The following FHOD3 variants were observed in gnomAD, a reference collection of about 807,000 sequenced individuals.
FHOD3 encodes FH1/FH2 domain-containing protein 3.
Under a neutral mutation model 173.0 loss-of-function variants are expected in FHOD3, and 90 were observed. The observed-to-expected ratio is 0.52, with a 90% CI of 0.44 to 0.62. The LOEUF is 0.62. Ranked by LOEUF, FHOD3 falls within the 20% of genes least tolerant of loss-of-function variation. The probability of loss-of-function intolerance (pLI) is 0.00; values close to 1 mark genes in which losing one functional copy is unlikely to be tolerated. For synonymous variants in FHOD3, 828 were observed against 823.0 expected (o/e 1.01, Z -0.10); for missense variants, 1,945 against 2,034.7 (o/e 0.96, Z 0.85).
intron 24 of FHOD3, among the ~76,000 whole-genome samples, chr18:36,753,273 C>A (rs77035841): frequency 0.022 from 3,413 of 152,280 alleles, 106 homozygotes; most frequent in African/African-American, 0.077. Flanking sequence ...AGGGCTCCTG[C>A]ACACTACACA....
At chr18:36,572,468 TG>T (rs2058487483) in intron 5 of FHOD3, among the ~76,000 whole-genome samples, 1 of 152,150 alleles carries the variant, frequency 6.6e-6, no homozygotes, top group African/African-American at 2.4e-5. Context: ...CAGGCCGGAT[TG>T]CTTTAGTAGT....
chr18:36,379,124 T>C (rs1464738747), intron 3 of FHOD3, among the ~76,000 whole-genome samples: 1 of 152,222 alleles, frequency 6.6e-6, no homozygotes, highest in Admixed American at 6.5e-5. Flanking sequence ...AAAGAGTGGC[T>C]TTACCATCTA....
At chr18:36,503,230 A>G (rs1488194294) in intron 4 of FHOD3, among the ~76,000 whole-genome samples, 1 of 152,222 alleles carries the variant, frequency 6.6e-6, no homozygotes, top group Non-Finnish European at 1.5e-5. Context: ...ATGGTTTCAT[A>G]GAGAAGATGG....
rs571568660 is a variant in FHOD3, at chr18:36,762,981, C to T, written c.4624+2199C>T. ...ATACGTTATATATGCGTATTATATA[C>T]GTTATATATGCGTATTATATACGTT... On this transcript the variant is annotated intron_variant, in intron 27 of 28. Coordinates refer to ENST00000590592, the MANE Select transcript of FHOD3 (RefSeq NM_001281740.3). 2.6e-4 allele frequency among the ~76,000 whole-genome samples: 38 copies of T among 146,118 alleles called. No homozygotes were observed. In the East Asian group the frequency reaches 3.2e-3, roughly 12 times the overall value.
At chr18:36,490,234 C>T (rs2054398505) in intron 3 of FHOD3, among the ~76,000 whole-genome samples, 1 of 152,156 alleles carries the variant, frequency 6.6e-6, no homozygotes, top group Non-Finnish European at 1.5e-5. Context: ...ATTAAGTGGC[C>T]TTCATCAGCT....
intron 1 of FHOD3, among the ~76,000 whole-genome samples, chr18:36,337,033 C>T (rs1398597916): frequency 2.0e-5 from 3 of 150,020 alleles, no homozygotes; most frequent in Non-Finnish European, 3.0e-5. Flanking sequence ...ATCAGATGGG[C>T]GTGGTGGTAC....
At chr18:36,760,925 A>G in intron 27 of FHOD3, 143 bp downstream of exon 27, 1 of 802,352 alleles carries the variant, frequency 1.2e-6, no homozygotes, top group Non-Finnish European at 1.9e-6. Context: ...TTCCCTCACT[A>G]GCGTCTTCCT....
At chr18:36,620,186 T>A (rs191566744) in intron 9 of FHOD3, among the ~76,000 whole-genome samples, 280 of 152,358 alleles carry the variant, frequency 1.8e-3, no homozygotes, top group African/African-American at 6.6e-3. Flanking sequence ...TTCGTGCCTC[T>A]GTGGCCTCAT....
chr18:36,327,164 T>C (rs140684862), intron 1 of FHOD3, among the ~76,000 whole-genome samples: 39 of 152,344 alleles, frequency 2.6e-4, no homozygotes, highest in African/African-American at 8.9e-4. Context: ...AGAGTGATCT[T>C]TCCCCCTCAA....
chr18:36,772,365 A>G (rs974260389), intron 28 of FHOD3, among the ~76,000 whole-genome samples: 43 of 152,372 alleles, frequency 2.8e-4, no homozygotes, highest in African/African-American at 8.7e-4. Context: ...TGCAAAATCA[A>G]TGTGAAGTTT....
chr18:36,736,789 G>A (rs2041656412), intron 20 of FHOD3, among the ~76,000 whole-genome samples: 1 of 152,196 alleles, frequency 6.6e-6, no homozygotes, highest in East Asian at 1.9e-4. Context: ...GGGAAAATAG[G>A]GATGTAAAGT....
intron 22 of FHOD3, 115 bp from the exon 23 acceptor site, chr18:36,743,917 A>G: frequency 1.7e-6 from 2 of 1,171,776 alleles, no homozygotes; most frequent in Non-Finnish European, 2.5e-6. Flanking sequence ...CAGGAGCTTC[A>G]GCCACAGAGA....
At chr18:36,578,842 C>G (rs1229168572) in intron 6 of FHOD3, among the ~76,000 whole-genome samples, 6 of 152,154 alleles carry the variant, frequency 3.9e-5, no homozygotes, top group Admixed American at 6.5e-5. Context: ...GGGTGACCCT[C>G]ACATCTTGCC....
intron 28 of FHOD3, among the ~76,000 whole-genome samples, chr18:36,776,155 C>G (rs954793841): frequency 6.6e-6 from 1 of 151,924 alleles, no homozygotes; most frequent in African/African-American, 2.4e-5. Flanking sequence ...GTTTGCTGGC[C>G]CCCTTGTTTT....
intron 8 of FHOD3, among the ~76,000 whole-genome samples, chr18:36,607,403 C>T (rs1291161700): frequency 6.6e-6 from 1 of 152,194 alleles, no homozygotes; most frequent in Non-Finnish European, 1.5e-5. Context: ...TGAGGTACCG[C>T]TGGTGCCTGT....
chr18:36,716,021 C>T (rs903817160), intron 18 of FHOD3, among the ~76,000 whole-genome samples: 9 of 151,958 alleles, frequency 5.9e-5, no homozygotes, highest in South Asian at 2.1e-4. Flanking sequence ...TGGTGGTGTG[C>T]GATGAATGAA....
intron 28 of FHOD3, among the ~76,000 whole-genome samples, chr18:36,772,915 T>C (rs2043453029): frequency 6.6e-6 from 1 of 152,190 alleles, no homozygotes; most frequent in South Asian, 2.1e-4. Context: ...GACTGGCCCC[T>C]CCTGTAAAGA....
At chr18:36,693,865 A>T (rs556600423) in intron 17 of FHOD3, among the ~76,000 whole-genome samples, 1 of 152,316 alleles carries the variant, frequency 6.6e-6, no homozygotes, top group South Asian at 2.1e-4. Context: ...AAAAATGTGG[A>T]CCTAGTGAAA....
At chr18:36,478,507 ATTCT>A (rs56771598) in intron 3 of FHOD3, among the ~76,000 whole-genome samples, 87,344 of 151,308 alleles carry the variant, frequency 0.58, 25,265 homozygotes, top group South Asian at 0.67. Context: ...GCTCTTACTC[ATTCT>A]TTCTATTTTT....
Sources: allele counts gnomAD v4.1 joint callset (sites outside exome capture counted in the v4.1 genomes callset), GRCh38; gene constraint gnomAD v4.1.1; transcripts MANE v1.5; gene names NCBI Gene and HGNC (gene_info 2026-07-23, HGNC 2026-07-21).